The following PCOLCE2 variants were observed in gnomAD, a reference collection of about 807,000 sequenced individuals.
PCOLCE2 encodes procollagen C-proteinase enhancer 2.
In PCOLCE2, 42 loss-of-function variants were observed where a neutral mutation model predicts 47.0. That is an observed-to-expected ratio of 0.89 (90% CI 0.70 to 1.16). The LOEUF is 1.16. Among genes scored for constraint, PCOLCE2 ranks in the 50% most tolerant of loss-of-function variants. The pLI is 0.00. For missense variants in PCOLCE2, 500 were observed against 526.1 expected, an observed-to-expected ratio of 0.95 and a Z score of 0.49; for synonymous variants, 169 against 191.7, an observed-to-expected ratio of 0.88 and a Z score of 0.98.
intron 2 of PCOLCE2, among the ~76,000 whole-genome samples, chr3:142,862,759 C>A (rs1933203456): frequency 6.6e-6 from 1 of 152,100 alleles, no homozygotes; most frequent in African/African-American, 2.4e-5. Flanking sequence ...CTCCAAAGGA[C>A]TGAAAGACAG....
At chr3:142,861,376 T>C (rs760460475) in intron 2 of PCOLCE2, among the ~76,000 whole-genome samples, 11 of 152,232 alleles carry the variant, frequency 7.2e-5, no homozygotes, top group Non-Finnish European at 1.6e-4. Flanking sequence ...TTTAGAACTC[T>C]CGTTAGTCAG....
intron 6 of PCOLCE2, among the ~76,000 whole-genome samples, 198 bp downstream of exon 6, chr3:142,829,494 T>A (rs1222250450): frequency 6.6e-6 from 1 of 152,206 alleles, no homozygotes; most frequent in African/African-American, 2.4e-5. Flanking sequence ...TACCTGATAT[T>A]TAAAAACTAT....
chr3:142,826,228 C>T (rs1445542590), intron 6 of PCOLCE2, among the ~76,000 whole-genome samples: 2 of 151,934 alleles, frequency 1.3e-5, no homozygotes, highest in Admixed American at 6.6e-5. Context: ...AAGATGGTCT[C>T]GATCTCCTGA....
intron 3 of PCOLCE2, among the ~76,000 whole-genome samples, chr3:142,847,253 C>A (rs912806034): frequency 3.3e-5 from 5 of 152,256 alleles, no homozygotes; most frequent in Middle Eastern, 6.8e-3. Flanking sequence ...AGCTGTCAGA[C>A]AAAGATTTCA....
At chr3:142,860,186 C>G (rs747194142) in intron 2 of PCOLCE2, among the ~76,000 whole-genome samples, 44 of 152,166 alleles carry the variant, frequency 2.9e-4, no homozygotes, top group Non-Finnish European at 5.0e-4. Flanking sequence ...TTCTTTCAGA[C>G]AGTTTGCGTG....
chr3:142,888,275 T>C (rs1408355100), intron 1 of PCOLCE2, among the ~76,000 whole-genome samples: 1 of 152,236 alleles, frequency 6.6e-6, no homozygotes, highest in Non-Finnish European at 1.5e-5. Context: ...CTGATGTTGA[T>C]GGAGGCTGAA....
chr3:142,874,642 C>A (rs1216125216), intron 2 of PCOLCE2, among the ~76,000 whole-genome samples: 2 of 152,174 alleles, frequency 1.3e-5, no homozygotes, highest in Non-Finnish European at 2.9e-5. Context: ...TTTATCATTT[C>A]TATGCTGTTC....
At chr3:142,875,908 CT>C (rs1933486491) in intron 2 of PCOLCE2, among the ~76,000 whole-genome samples, 1 of 152,192 alleles carries the variant, frequency 6.6e-6, no homozygotes, top group African/African-American at 2.4e-5. Flanking sequence ...AGGAACTAAC[CT>C]TAATCCATGA....
chr3:142,881,730 T>C (rs1933625337), intron 2 of PCOLCE2, among the ~76,000 whole-genome samples: 1 of 152,194 alleles, frequency 6.6e-6, no homozygotes. Flanking sequence ...GGCACCACTG[T>C]CATATATGTG....
At chr3:142,883,459 GC>G (rs1468409347) in intron 2 of PCOLCE2, among the ~76,000 whole-genome samples, 1 of 151,060 alleles carries the variant, frequency 6.6e-6, no homozygotes, top group African/African-American at 2.4e-5. Context: ...CGCTCTTGTT[GC>G]CCAGGCTGGA....
At chr3:142,826,130 G>A (rs951238439) in intron 6 of PCOLCE2, among the ~76,000 whole-genome samples, 2 of 151,708 alleles carry the variant, frequency 1.3e-5, no homozygotes, top group African/African-American at 4.8e-5. Flanking sequence ...TCAGCCTCCC[G>A]AGTAGCTGGG....
chr3:142,822,434 T>A (rs1051534692), intron 7 of PCOLCE2, among the ~76,000 whole-genome samples: 4 of 152,168 alleles, frequency 2.6e-5, no homozygotes, highest in Non-Finnish European at 5.9e-5. Context: ...ACTTGGTTAA[T>A]CTGACTCCTT....
Position 142,838,846 on chromosome 3 carries a change from A to G in PCOLCE2, c.634T>C (p.Tyr212His). The change falls in exon 5 of 9, where the codon TAT becomes CAT. Residue 212 changes from tyrosine (Y) to histidine (H), a missense_variant. Physicochemically the swap from Tyr to His is moderately conservative, Grantham distance 83. Transcript: ENST00000295992. ...VERDNYCRYD[Y>H]VAVFNGGEVN... ...TCCCCGCCATTAAACACAGCCACAT[A>G]ATCATATCGGCAGTAGTTATCTCGC... The G allele has an allele frequency of 1.1e-5, 17 of 1,612,488 alleles. No individual in the cohort carries two copies. Among genetic ancestry groups the G allele is most frequent in the Non-Finnish European group, 1.4e-5 (16 of 1,178,494 alleles).
At chr3:142,875,343 T>G (rs1933478442) in intron 2 of PCOLCE2, among the ~76,000 whole-genome samples, 1 of 152,192 alleles carries the variant, frequency 6.6e-6, no homozygotes, top group Non-Finnish European at 1.5e-5. Context: ...TACATTGGCC[T>G]AGAAAGCAGT....
chr3:142,854,751 T>G (rs1197941646), intron 2 of PCOLCE2, among the ~76,000 whole-genome samples: 1 of 152,186 alleles, frequency 6.6e-6, no homozygotes, highest in Non-Finnish European at 1.5e-5. Context: ...AATAAAATCT[T>G]CACCTTAATT....
At position 142,821,065 on chromosome 3, in the gene PCOLCE2, G is replaced by GA; in HGVS notation, c.950-21dup. The GA allele has an allele frequency of 6.4e-7, 1 of 1,572,714 alleles. No individual in the cohort carries two copies. Reference sequence around the variant, plus strand: ...CTAATACTGCAGAAGAAAACATTTTGAAGTGATGTGACAGTGAAGGCAAAT... The same window carrying GA: ...CTAATACTGCAGAAGAAAACATTTTGAAAGTGATGTGACAGTGAAGGCAAAT... On this transcript the variant is annotated intron_variant, in intron 7 of 8. Transcript: ENST00000295992.
chr3:142,823,644 GA>G, intron 6 of PCOLCE2, 29 bp from the exon 7 acceptor site: 1 of 1,316,192 alleles, frequency 7.6e-7, no homozygotes, highest in Non-Finnish European at 1.1e-6. Flanking sequence ...TAAGTTTCAC[GA>G]AAAATGAATT....
intron 6 of PCOLCE2, among the ~76,000 whole-genome samples, chr3:142,828,010 T>C (rs1007160346): frequency 2.0e-5 from 3 of 152,150 alleles, no homozygotes; most frequent in African/African-American, 7.2e-5. Context: ...TTCCCTCTCA[T>C]CTCTTGACTC....
At chr3:142,876,135 C>G (rs1437832744) in intron 2 of PCOLCE2, among the ~76,000 whole-genome samples, 2 of 152,202 alleles carry the variant, frequency 1.3e-5, no homozygotes, top group Non-Finnish European at 2.9e-5. Flanking sequence ...TCTTACATCA[C>G]CATCCTATTT....
Sources: allele counts gnomAD v4.1 joint callset (sites outside exome capture counted in the v4.1 genomes callset), GRCh38; gene constraint gnomAD v4.1.1; transcripts MANE v1.5; gene names NCBI Gene and HGNC (gene_info 2026-07-23, HGNC 2026-07-21).